The following PPP2R5E variants were observed in gnomAD, a reference collection of about 807,000 sequenced individuals.
PPP2R5E encodes the protein serine/threonine-protein phosphatase 2A 56 kDa regulatory subunit epsilon isoform.
A neutral mutation model predicts 65.3 loss-of-function variants in PPP2R5E; 4 were observed. The ratio of observed to expected loss-of-function variants is 0.06; its 90% CI spans 0.03 to 0.14. The LOEUF is 0.14. Among genes scored for constraint, PPP2R5E ranks in the 10% least tolerant of loss-of-function variants. The pLI is 1.00. For missense variants in PPP2R5E, 274 were observed against 556.1 expected, an observed-to-expected ratio of 0.49 and a Z score of 5.10; for synonymous variants, 183 against 187.4, an observed-to-expected ratio of 0.98 and a Z score of 0.19.
At chr14:63,389,197 A>G (rs1313117732) in intron 11 of PPP2R5E, among the ~76,000 whole-genome samples, 9 of 151,878 alleles carry the variant, frequency 5.9e-5, no homozygotes, top group Non-Finnish European at 1.3e-4. Flanking sequence ...TAATGTACCT[A>G]AAGTATCTAG....
chr14:63,439,977 A>G (rs1888136355), intron 3 of PPP2R5E, among the ~76,000 whole-genome samples: 1 of 152,170 alleles, frequency 6.6e-6, no homozygotes, highest in African/African-American at 2.4e-5. Context: ...TTCAATTTCC[A>G]TATACGTTTT....
chr14:63,472,227 G>T (rs1042566892), intron 2 of PPP2R5E, among the ~76,000 whole-genome samples: 14 of 152,188 alleles, frequency 9.2e-5, no homozygotes, highest in Non-Finnish European at 5.9e-5. Context: ...CTGAACCCAG[G>T]AGGCGGAGGT....
intron 5 of PPP2R5E, among the ~76,000 whole-genome samples, chr14:63,406,379 C>G (rs1001261632): frequency 6.6e-6 from 1 of 151,108 alleles, no homozygotes; most frequent in East Asian, 1.9e-4. Context: ...CCACTGCAAT[C>G]CAGCCTGGGT....
At chr14:63,537,409 C>G (rs1370078888) in intron 2 of PPP2R5E, among the ~76,000 whole-genome samples, 6 of 152,148 alleles carry the variant, frequency 3.9e-5, no homozygotes, top group Admixed American at 1.3e-4. Flanking sequence ...CTTTCCAAAG[C>G]CTCATAATGA....
intron 3 of PPP2R5E, among the ~76,000 whole-genome samples, chr14:63,428,435 TA>T (rs1301360757): frequency 2.0e-5 from 3 of 152,240 alleles, no homozygotes; most frequent in Non-Finnish European, 2.9e-5. Flanking sequence ...ACTAAAAAAT[TA>T]TTCACTATTT....
intron 3 of PPP2R5E, among the ~76,000 whole-genome samples, chr14:63,435,940 T>C (rs953668369): frequency 1.3e-5 from 2 of 152,230 alleles, no homozygotes; most frequent in African/African-American, 4.8e-5. Context: ...GTGAACATTG[T>C]TGATATTAAA....
rs935647997 is a variant in PPP2R5E at position 63,415,192 on chromosome 14, T to C, written c.497A>G (p.Glu166Gly). 3.7e-6 allele frequency: 6 copies of C among 1,605,632 alleles called. No individual in the cohort carries two copies. The highest frequency in any genetic ancestry group is 1.3e-5 in the African/African-American group (1 of 74,682). ...TTTTTTGGCAATGCTGGGTTGGAATTCTTGGCTTTCCAAAAATCGTATGAA... is the reference window on the plus strand; with the variant it reads ...TTTTTTGGCAATGCTGGGTTGGAATCCTTGGCTTTCCAAAAATCGTATGAA... ...EFFIRFLESQ[E>G]FQPSIAKKYI... Residue 166 changes from glutamate to glycine, a missense_variant, in exon 5 of 14, where the codon GAA becomes GGA. By Grantham distance (98) the Glu-to-Gly change is moderately conservative. Coordinates refer to ENST00000337537, the MANE Select transcript of PPP2R5E (RefSeq NM_006246.5).
intron 2 of PPP2R5E, among the ~76,000 whole-genome samples, chr14:63,474,606 C>T (rs370554220): frequency 1.5e-5 from 2 of 130,314 alleles, no homozygotes; most frequent in African/African-American, 5.9e-5. Flanking sequence ...CCAGGGAGGT[C>T]GAGGCTGCAG....
intron 2 of PPP2R5E, among the ~76,000 whole-genome samples, chr14:63,465,147 C>T (rs10141179): frequency 0.3 from 45,549 of 151,650 alleles, 8,524 homozygotes; most frequent in African/African-American, 0.53. Flanking sequence ...AGTCATCATT[C>T]GTTTGACAAA....
intron 2 of PPP2R5E, among the ~76,000 whole-genome samples, chr14:63,507,946 G>A (rs753629938): frequency 1.5e-4 from 23 of 152,146 alleles, no homozygotes; most frequent in Admixed American, 1.3e-4. Context: ...TGACCCTAGG[G>A]ATTTATCATA....
Position 63,371,873 on chromosome 14 carries a change from G to A in PPP2R5E, c.*4136C>T, listed in dbSNP as rs574762969. 6.6e-6 allele frequency: 1 copy of A among 152,086 alleles called. No homozygotes were observed. Among genetic ancestry groups the A allele is most frequent in the Non-Finnish European group, 1.5e-5 (1 of 68,002 alleles). 9.4% of individuals were successfully genotyped at this position (152,086 alleles called of 1,614,324 possible). On this transcript the variant is annotated 3_prime_UTR_variant, in exon 14 of 14. Coordinates refer to ENST00000337537, the MANE Select transcript of PPP2R5E (RefSeq NM_006246.5). ...ACCAAAAGATTTATGAAGCTAAAGC[G>A]AAGTCCTCAAACCAAAAGCAACAGA...
chr14:63,487,277 T>C (rs1299230381), intron 2 of PPP2R5E, among the ~76,000 whole-genome samples: 1 of 152,224 alleles, frequency 6.6e-6, no homozygotes, highest in Non-Finnish European at 1.5e-5. Flanking sequence ...CTCAAGTTGT[T>C]AAGACATAAA....
intron 2 of PPP2R5E, among the ~76,000 whole-genome samples, chr14:63,524,091 T>C (rs1893084158): frequency 6.6e-6 from 1 of 152,232 alleles, no homozygotes; most frequent in Admixed American, 6.5e-5. Context: ...ACAGTATTTT[T>C]CCTGAAATGG....
At chr14:63,415,484 C>A (rs886516018) in intron 4 of PPP2R5E, among the ~76,000 whole-genome samples, 2 of 152,110 alleles carry the variant, frequency 1.3e-5, no homozygotes, top group African/African-American at 4.8e-5. Flanking sequence ...TCAGAGACAA[C>A]CACTGTTAAC....
rs568863402 is a variant in PPP2R5E, at chr14:63,532,996, T to C, written c.157+6533A>G. On this transcript the variant is annotated intron_variant, in intron 2 of 13. Transcript: ENST00000337537. ...ACAGGTGTGTACCACCACACCCAGC[T>C]AATTTTTTATTGTATTTTTTTTTAG... 2.6e-5 allele frequency among the ~76,000 whole-genome samples: 4 copies of C among 152,244 alleles called. No individual in the cohort carries two copies. In the South Asian group the frequency reaches 8.3e-4, roughly 32 times the overall value.
intron 5 of PPP2R5E, among the ~76,000 whole-genome samples, chr14:63,397,690 T>C (rs140753926): frequency 2.0e-5 from 3 of 151,976 alleles, no homozygotes; most frequent in East Asian, 1.9e-4. Context: ...GAAGTGAACA[T>C]TGATTATTTC....
chr14:63,435,886 A>G (rs1343965288), intron 3 of PPP2R5E, among the ~76,000 whole-genome samples: 2 of 152,254 alleles, frequency 1.3e-5, no homozygotes, highest in Non-Finnish European at 1.5e-5. Context: ...AGATGACTGT[A>G]TTGTACTCGC....
intron 1 of PPP2R5E, among the ~76,000 whole-genome samples, chr14:63,540,304 A>G (rs1265298862): frequency 6.8e-6 from 1 of 148,112 alleles, no homozygotes; most frequent in Non-Finnish European, 1.5e-5. Context: ...AGTGGCATGC[A>G]CCTGTAATCT....
chr14:63,518,278 G>A (rs141443320), intron 2 of PPP2R5E, among the ~76,000 whole-genome samples: 21 of 152,248 alleles, frequency 1.4e-4, no homozygotes, highest in African/African-American at 5.1e-4. Flanking sequence ...GTCTCACTCT[G>A]TCACCCAGTC....
Sources: allele counts gnomAD v4.1 joint callset (sites outside exome capture counted in the v4.1 genomes callset), GRCh38; gene constraint gnomAD v4.1.1; transcripts MANE v1.5; gene names NCBI Gene and HGNC (gene_info 2026-07-23, HGNC 2026-07-21).